MTG2: variants seen among roughly 807,000 people sequenced by gnomAD.
MTG2 encodes mitochondrial ribosome associated GTPase 2.
A neutral mutation model predicts 28.6 loss-of-function variants in MTG2; 23 were observed. That is an observed-to-expected ratio of 0.80 (90% confidence interval 0.58 to 1.14). MTG2 has a LOEUF of 1.14. Among genes scored for constraint, MTG2 ranks in the 50% most tolerant of loss-of-function variants. The probability of loss-of-function intolerance (pLI) is 0.00; values close to 1 mark genes in which losing one functional copy is unlikely to be tolerated. For synonymous variants in MTG2, 260 were observed against 251.8 expected (o/e 1.03, Z -0.31); for missense variants, 539 against 552.0 (o/e 0.98, Z 0.24).
At chr20:62,186,051 C>T (rs1418329143) in intron 1 of MTG2, among the ~76,000 whole-genome samples, 1 of 150,174 alleles carries the variant, frequency 6.7e-6, no homozygotes, top group Non-Finnish European at 1.5e-5. Context: ...CATCAGGAAG[C>T]CTGGTTTCCA....
Position 62,190,581 on chromosome 20 carries a change from C to T in MTG2, c.-5-2835C>T, listed in dbSNP as rs558802414. Among the ~76,000 whole-genome samples, 6 of 152,312 alleles carry T rather than the reference C, an allele frequency of 3.9e-5. No homozygotes were observed. The South Asian group carries it at 1.0e-3, about 26-fold the overall frequency. On this transcript the variant is annotated intron_variant, in intron 1 of 6. Transcript: ENST00000370823. ...TCGTTTCTGAAAGATATTTTCCCTG[C>T]GTATAGAATACCTCGGTGCCTCTTT...
intron 3 of MTG2, among the ~76,000 whole-genome samples, chr20:62,196,995 G>A (rs1443280969): frequency 1.3e-5 from 2 of 152,034 alleles, no homozygotes; most frequent in Non-Finnish European, 2.9e-5. Context: ...TCGTGCCATT[G>A]CACTCTAGCC....
intron 2 of MTG2, 70 bp downstream of exon 2, chr20:62,193,694 C>T: frequency 7.1e-7 from 1 of 1,401,162 alleles, no homozygotes; most frequent in Non-Finnish European, 9.7e-7. Context: ...GTTTCGGGTC[C>T]TCCTCTGGGT....
chr20:62,184,835 T>G (rs1458468737), intron 1 of MTG2, among the ~76,000 whole-genome samples: 1 of 151,958 alleles, frequency 6.6e-6, no homozygotes, highest in East Asian at 1.9e-4. Flanking sequence ...ATTGGTTGGG[T>G]GTGGTGGCTC....
At chr20:62,184,345 G>A (rs1431156836) in intron 1 of MTG2, among the ~76,000 whole-genome samples, 3 of 151,490 alleles carry the variant, frequency 2.0e-5, no homozygotes, top group East Asian at 2.0e-4. Context: ...GCAACAGAGC[G>A]AGACTCTGTC....
intron 6 of MTG2, chr20:62,200,318 A>G (rs1044402632): frequency 1.6e-5 from 3 of 192,258 alleles, no homozygotes; most frequent in African/African-American, 7.0e-5. Context: ...CTCTACATGT[A>G]AATTTCTATC....
chr20:62,195,703 G>T, intron 2 of MTG2, 99 bp from the exon 3 acceptor site: 1 of 1,400,366 alleles, frequency 7.1e-7, no homozygotes, highest in African/African-American at 1.4e-5. Flanking sequence ...ATTTTAATAG[G>T]CTGTTATAGA....
intron 1 of MTG2, among the ~76,000 whole-genome samples, chr20:62,188,080 G>A (rs1194870476): frequency 2.0e-5 from 3 of 147,964 alleles, no homozygotes; most frequent in African/African-American, 7.5e-5. Context: ...TCAGTGGGCC[G>A]AGATCACACC....
chr20:62,187,011 A>T (rs902802265), intron 1 of MTG2, among the ~76,000 whole-genome samples: 2 of 152,132 alleles, frequency 1.3e-5, no homozygotes, highest in Non-Finnish European at 2.9e-5. Flanking sequence ...ATTAAATGTG[A>T]TTAGCTGTCG....
intron 6 of MTG2, chr20:62,199,856 A>G (rs1316056418): frequency 2.0e-5 from 3 of 151,666 alleles, no homozygotes; most frequent in African/African-American, 7.3e-5. Context: ...CACCACGCCC[A>G]GTTAATTTTT....
Position 62,198,730 on chromosome 20 carries a change from G to C in MTG2, c.565G>C (p.Gly189Arg). ...EYIAALGGAG[G>R]KGNRFFLANN... The stretch of plus-strand genomic sequence containing the variant: ...CATTGCCGCGCTGGGCGGGGCAGGA[G>C]GGAAAGGCAACCGCTTCTTCCTGGC... Residue 189 changes from glycine (G) to arginine (R), a missense_variant, in exon 5 of 7, where the codon GGG becomes CGG. Gly to Arg is a moderately radical substitution (Grantham distance 125, BLOSUM62 -2). Coordinates refer to ENST00000370823, the MANE Select transcript of MTG2 (RefSeq NM_015666.4). 6.2e-7 allele frequency: 1 copy of C among 1,609,830 alleles called. No individual in the cohort carries two copies. Among genetic ancestry groups the C allele is most frequent in the Non-Finnish European group, 8.5e-7 (1 of 1,177,008 alleles).
rs140658685 is a variant in MTG2 at position 62,198,812 on chromosome 20, T to C, written c.647T>C (p.Val216Ala). 6.8e-6 allele frequency: 11 copies of C among 1,614,038 alleles called. No homozygotes were observed. In the African/African-American group the frequency reaches 1.2e-4, roughly 18 times the overall value. ...CTPGQPGQQR[V>A]LHLELKTVAH... ...CCTGGACAGCCAGGACAGCAGCGAG[T>C]TCTCCACCTGGAGCTCAAGACGGTG... is the stretch of plus-strand genomic sequence containing the variant. Residue 216 changes from valine (V) to alanine (A), a missense_variant, in exon 5 of 7, where the codon GTT becomes GCT. Val to Ala is a moderately conservative substitution (Grantham distance 64, BLOSUM62 0). Coordinates refer to ENST00000370823, the MANE Select transcript of MTG2 (RefSeq NM_015666.4).
intron 3 of MTG2, among the ~76,000 whole-genome samples, chr20:62,196,315 C>T (rs1406539633): frequency 1.3e-5 from 2 of 151,232 alleles, no homozygotes; most frequent in African/African-American, 4.9e-5. Flanking sequence ...CGTGATCACA[C>T]CACTGCATAT....
chr20:62,198,714 G>T lies in MTG2; in HGVS notation c.549G>T (p.Ala183=), dbSNP rs775779447. Reference sequence around the variant, plus strand: ...GCGTGGGAGATGAGTACATTGCCGCGCTGGGCGGGGCAGGAGGGAAAGGCA... The same window carrying T: ...GCGTGGGAGATGAGTACATTGCCGCTCTGGGCGGGGCAGGAGGGAAAGGCA... ...LSCVGDEYIA[A]LGGAGGKGNR... is the part of the protein sequence containing the mutation. Residue 183 remains alanine, a synonymous_variant, in exon 5 of 7, where the codon GCG becomes GCT. Transcript: ENST00000370823. The T allele has an allele frequency of 1.9e-6, 3 of 1,614,010 alleles. No homozygotes were observed. The highest frequency in any genetic ancestry group is 2.7e-5 in the African/African-American group (2 of 74,950).
intron 6 of MTG2, 124 bp downstream of exon 6, chr20:62,199,381 C>T (rs1358647521): frequency 7.9e-6 from 10 of 1,264,206 alleles, no homozygotes; most frequent in African/African-American, 1.5e-5. Context: ...CGTGGTGGCT[C>T]ACACCTGTAA....
chr20:62,202,451 A>G lies in MTG2; in HGVS notation c.*1374A>G. 6.4e-6 allele frequency: 1 copy of G among 155,462 alleles called. No homozygotes were observed. Among genetic ancestry groups the G allele is most frequent in the Non-Finnish European group, 1.4e-5 (1 of 70,792 alleles). The allele number at this position is 155,462 out of a possible 1,614,324, so 9.6% of individuals were successfully genotyped here. ...ACCCTGTCTCAAAAAACAAACAAAC[A>G]AACAAACAAAAACAGAACATTCTGG... On this transcript the variant is annotated 3_prime_UTR_variant, in exon 7 of 7. Coordinates refer to ENST00000370823, the MANE Select transcript of MTG2 (RefSeq NM_015666.4).
chr20:62,198,089 A>C (rs772159184), intron 4 of MTG2, 122 bp downstream of exon 4: 8 of 732,632 alleles, frequency 1.1e-5, no homozygotes, highest in African/African-American at 8.9e-5. Context: ...AAACAGCACA[A>C]TGGAAACGGA....
intron 2 of MTG2, among the ~76,000 whole-genome samples, chr20:62,194,999 A>G (rs1348538715): frequency 1.3e-5 from 2 of 152,094 alleles, no homozygotes; most frequent in Non-Finnish European, 2.9e-5. Context: ...GATCGAGACC[A>G]TCCTGGCCAA....
intron 2 of MTG2, 155 bp downstream of exon 2, chr20:62,193,779 C>G: frequency 1.4e-6 from 1 of 739,362 alleles, no homozygotes; most frequent in South Asian, 1.9e-5. Context: ...CAGGGTGAAA[C>G]GCAGGCCTGC....
Sources: gnomAD v4.1 joint callset for allele counts (sites outside exome capture counted in the v4.1 genomes callset) on GRCh38, gnomAD v4.1.1 for gene constraint, MANE v1.5 for transcripts, NCBI Gene and HGNC (gene_info 2026-07-23, HGNC 2026-07-21) for gene names.